Variants in CISD2 observed in about 807,000 individuals in gnomAD.
CISD2 encodes the protein CDGSH iron-sulfur domain-containing protein 2.
In CISD2, 1 loss-of-function variant was observed where a neutral mutation model predicts 12.9. That is an observed-to-expected ratio of 0.08 (90% confidence interval 0.03 to 0.37). CISD2 has a LOEUF of 0.37. Among genes scored for constraint, CISD2 ranks in the 10% least tolerant of loss-of-function variants. The pLI, the probability that CISD2 is intolerant of heterozygous loss-of-function variation, is 0.99. For missense variants in CISD2, 97 were observed against 163.1 expected, an observed-to-expected ratio of 0.59 and a Z score of 2.21; for synonymous variants, 50 against 60.6, an observed-to-expected ratio of 0.83 and a Z score of 0.81.
chr4:102,883,376 C>T (rs969407760), intron 1 of CISD2, among the ~76,000 whole-genome samples: 2 of 152,230 alleles, frequency 1.3e-5, no homozygotes, highest in Admixed American at 6.5e-5. Flanking sequence ...AGTTTCCTGC[C>T]TTGCCTTTTC....
Position 102,888,256 on chromosome 4 carries a change from C to G in CISD2, c.*826C>G, listed in dbSNP as rs1734041535. 4 of 152,204 alleles carry G rather than the reference C, an allele frequency of 2.6e-5. No individual in the cohort carries two copies. The highest frequency in any genetic ancestry group is 2.6e-4 in the Admixed American group (4 of 15,280). 9.4% of individuals were successfully genotyped at this position (152,204 alleles called of 1,614,324 possible). ...TGTGGATATTTTTCTCTTTTTAACA[C>G]TATAAACCATTAAAATACAGTCATC... On this transcript the variant is annotated 3_prime_UTR_variant, in exon 3 of 3. Transcript: ENST00000273986.
chr4:102,885,383 T>C lies in CISD2; in HGVS notation c.271T>C (p.Leu91=). The C allele has an allele frequency of 6.2e-7, 1 of 1,614,124 alleles. No individual in the cohort carries two copies. Residue 91 remains leucine (L), a synonymous_variant, in exon 2 of 3, where the codon TTG becomes CTG. Transcript: ENST00000273986. ...AGTGAATGAAATAAACATTGAAGAT[T>C]TGTGTCTTACTAAAGCAGCTTATTG... is the stretch of plus-strand genomic sequence containing the variant. ...KVVNEINIED[L]CLTKAAYCRC...
At chr4:102,870,300 T>C (rs1349259117) in intron 1 of CISD2, among the ~76,000 whole-genome samples, 3 of 152,110 alleles carry the variant, frequency 2.0e-5, no homozygotes, top group African/African-American at 7.2e-5. Context: ...AATTTCAGTC[T>C]AAGGAAGATT....
At chr4:102,871,785 A>G (rs929057723) in intron 1 of CISD2, among the ~76,000 whole-genome samples, 8 of 152,210 alleles carry the variant, frequency 5.3e-5, no homozygotes, top group Non-Finnish European at 5.9e-5. Context: ...ACCAAAAAAT[A>G]TTTCCATTTT....
At chr4:102,874,973 T>G (rs1733559407) in intron 1 of CISD2, among the ~76,000 whole-genome samples, 2 of 152,254 alleles carry the variant, frequency 1.3e-5, no homozygotes, top group South Asian at 4.1e-4. Flanking sequence ...GTGAACAATT[T>G]CCTAGTTAGG....
chr4:102,887,746 T>C lies in CISD2; in HGVS notation c.*316T>C, dbSNP rs1382840207. The C allele has an allele frequency of 5.3e-6, 1 of 189,892 alleles. No individual in the cohort carries two copies. Among genetic ancestry groups the C allele is most frequent in the African/African-American group, 2.4e-5 (1 of 42,408 alleles). The allele number at this position is 189,892 out of a possible 1,614,324, so 11.8% of individuals were successfully genotyped here. On this transcript the variant is annotated 3_prime_UTR_variant, in exon 3 of 3. Coordinates refer to ENST00000273986, the MANE Select transcript of CISD2 (RefSeq NM_001008388.5). Reference sequence around the variant, plus strand: ...TCAATATTTTCAACAGGATCTTGTATTTAAAATTCCCACCTACATTGTTAA... The same window carrying C: ...TCAATATTTTCAACAGGATCTTGTACTTAAAATTCCCACCTACATTGTTAA...
chr4:102,877,188 A>G (rs892200345), intron 1 of CISD2, among the ~76,000 whole-genome samples: 12 of 152,360 alleles, frequency 7.9e-5, no homozygotes, highest in Admixed American at 2.6e-4. Context: ...CATTAACTCA[A>G]AAGTCCACAG....
At chr4:102,870,250 A>G (rs1733398141) in intron 1 of CISD2, among the ~76,000 whole-genome samples, 1 of 152,240 alleles carries the variant, frequency 6.6e-6, no homozygotes, top group Non-Finnish European at 1.5e-5. Flanking sequence ...TATAGAACTG[A>G]TAACAAATTA....
Position 102,869,079 on chromosome 4 carries a change from GC to G in CISD2, c.-4del, listed in dbSNP as rs775480110. On this transcript the variant is annotated 5_prime_UTR_variant, in exon 1 of 3. Coordinates refer to ENST00000273986, the MANE Select transcript of CISD2 (RefSeq NM_001008388.5). ...CTCGGGAGAGGAGTGGACGCCGCTG[GC>G]CAGGATGGTGCTGGAGAGCGTGGCC... 3 of 1,607,936 alleles carry G rather than the reference GC, an allele frequency of 1.9e-6. No individual in the cohort carries two copies. Among genetic ancestry groups the G allele is most frequent in the Non-Finnish European group, 2.5e-6 (3 of 1,177,742 alleles).
chr4:102,871,402 C>A (rs575795466), intron 1 of CISD2, among the ~76,000 whole-genome samples: 1 of 152,074 alleles, frequency 6.6e-6, no homozygotes, highest in Non-Finnish European at 1.5e-5. Flanking sequence ...GAAATAATGA[C>A]CATTCTGAGA....
chr4:102,878,448 GCAT>G (rs1183327639), intron 1 of CISD2, among the ~76,000 whole-genome samples: 1 of 152,118 alleles, frequency 6.6e-6, no homozygotes, highest in Non-Finnish European at 1.5e-5. Flanking sequence ...CTTTTCTGTT[GCAT>G]CATCAGACTG....
chr4:102,869,705 TC>T (rs1733376092), intron 1 of CISD2, among the ~76,000 whole-genome samples: 1 of 152,144 alleles, frequency 6.6e-6, no homozygotes, highest in African/African-American at 2.4e-5. Context: ...TAACCTCCAT[TC>T]CCTCAGGTTA....
rs1052596523 is a variant in CISD2 at position 102,891,494 on chromosome 4, G to T, written c.*4064G>T. On this transcript the variant is annotated 3_prime_UTR_variant, in exon 3 of 3. Coordinates refer to ENST00000273986, the MANE Select transcript of CISD2 (RefSeq NM_001008388.5). The stretch of plus-strand genomic sequence containing the variant: ...AATTATACAAGTGATGTTTAGTGAT[G>T]AATTGGAATCAAGATAAGTAGTATG... The T allele has an allele frequency of 4.6e-5, 7 of 152,194 alleles. No homozygotes were observed. Among genetic ancestry groups the T allele is most frequent in the African/African-American group, 1.7e-4 (7 of 41,454 alleles). The allele number at this position is 152,194 out of a possible 1,614,324, so 9.4% of individuals were successfully genotyped here.
At chr4:102,874,294 T>G (rs542481408) in intron 1 of CISD2, among the ~76,000 whole-genome samples, 1 of 151,972 alleles carries the variant, frequency 6.6e-6, no homozygotes, top group Non-Finnish European at 1.5e-5. Context: ...TTCATGGACA[T>G]GAAGATGGCA....
chr4:102,886,454 G>C (rs1733920725), intron 2 of CISD2, among the ~76,000 whole-genome samples: 1 of 151,742 alleles, frequency 6.6e-6, no homozygotes, highest in Non-Finnish European at 1.5e-5. Flanking sequence ...TCACGCCACT[G>C]CACTCCAGCC....
intron 1 of CISD2, chr4:102,869,584 G>C (rs2110389841): frequency 5.7e-6 from 4 of 696,974 alleles, no homozygotes; most frequent in East Asian, 5.4e-5. Context: ...GGCAGCCCCA[G>C]CTACCGGCTG....
At chr4:102,873,852 G>A (rs1213418662) in intron 1 of CISD2, among the ~76,000 whole-genome samples, 2 of 151,894 alleles carry the variant, frequency 1.3e-5, no homozygotes, top group Admixed American at 1.3e-4. Flanking sequence ...GGCCAGGTAC[G>A]GTGTGGCTCA....
In CISD2 at chr4:102,878,850, A is replaced by G. The variant is rs149575692; in HGVS notation, c.104-6366A>G. On this transcript the variant is annotated intron_variant, in intron 1 of 2. Transcript: ENST00000273986. ...ATAGCAGTACCCAACTCTCTGTTGTAGCAATTTACTGTATTAGCTTTCACA... is the reference window on the plus strand; with the variant it reads ...ATAGCAGTACCCAACTCTCTGTTGTGGCAATTTACTGTATTAGCTTTCACA... 3.5e-4 allele frequency among the ~76,000 whole-genome samples: 54 copies of G among 152,334 alleles called. No homozygotes were observed. In the East Asian group the frequency reaches 8.3e-3, roughly 23 times the overall value.
In CISD2 at chr4:102,869,064, G is replaced by A. The variant is rs1289036289; in HGVS notation, c.-21G>A. On this transcript the variant is annotated 5_prime_UTR_variant, in exon 1 of 3. Coordinates refer to ENST00000273986, the MANE Select transcript of CISD2 (RefSeq NM_001008388.5). Reference sequence around the variant, plus strand: ...CCAGAGCGGAGGGGGCTCGGGAGAGGAGTGGACGCCGCTGGCCAGGATGGT... The same window carrying A: ...CCAGAGCGGAGGGGGCTCGGGAGAGAAGTGGACGCCGCTGGCCAGGATGGT... The A allele has an allele frequency of 4.4e-6, 7 of 1,598,756 alleles. No homozygotes were observed. Among genetic ancestry groups the A allele is most frequent in the African/African-American group, 1.3e-5 (1 of 74,556 alleles).
Sources: allele counts gnomAD v4.1 joint callset (sites outside exome capture counted in the v4.1 genomes callset), GRCh38; gene constraint gnomAD v4.1.1; transcripts MANE v1.5; gene names NCBI Gene and HGNC (gene_info 2026-07-23, HGNC 2026-07-21).